The following OBP2B variants were observed in gnomAD, a reference collection of about 807,000 sequenced individuals.
OBP2B encodes odorant binding protein 2B.
In OBP2B, 10 loss-of-function variants were observed where a neutral mutation model predicts 21.7. That is an observed-to-expected ratio of 0.46 (90% CI 0.28 to 0.78). The LOEUF (loss-of-function observed/expected upper bound fraction) is 0.78. Ranked by LOEUF, OBP2B falls within the 30% of genes least tolerant of loss-of-function variation. The pLI is 0.11. For synonymous variants in OBP2B, 73 were observed against 91.5 expected, an observed-to-expected ratio of 0.80 and a Z score of 1.16; for missense variants, 153 against 217.7, an observed-to-expected ratio of 0.70 and a Z score of 1.87.
At chr9:133,217,235 G>A in the OBP2B span, among the ~76,000 whole-genome samples, 5 of 152,152 alleles carry the variant, frequency 3.3e-5, no homozygotes, top group South Asian at 2.1e-4. Flanking sequence ...TCCTGTGCTC[G>A]GGGGGCTTAT....
At chr9:133,207,942 A>C (rs1833792661) in intron 3 of OBP2B, 191 bp downstream of exon 3, 25 of 1,534,470 alleles carry the variant, frequency 1.6e-5, no homozygotes, top group East Asian at 2.4e-5. Flanking sequence ...GACTGCGGAC[A>C]AGCCTGTCAC....
chr9:133,209,711 C>T (rs1245702704), upstream of OBP2B, among the ~76,000 whole-genome samples: 1 of 152,146 alleles, frequency 6.6e-6, no homozygotes, highest in Non-Finnish European at 1.5e-5. This position sits in a 1 kb window ranked among gnomAD's most constrained non-coding sequence, Gnocchi z 6.0. Context: ...TCCCGCACGC[C>T]CTAGAGCCCA....
chr9:133,206,881 C>T (rs1234124770), intron 4 of OBP2B, among the ~76,000 whole-genome samples: 1 of 151,948 alleles, frequency 6.6e-6, no homozygotes, highest in Non-Finnish European at 1.5e-5. Flanking sequence ...ACCTTGTCTC[C>T]CAGAGGCACC....
At chr9:133,205,473 G>T in intron 6 of OBP2B, 62 bp from the exon 7 acceptor site, 1 of 1,022,062 alleles carries the variant, frequency 9.8e-7, no homozygotes, top group Non-Finnish European at 1.4e-6. Flanking sequence ...GCCAGGGCCA[G>T]AGCTCCCTCC....
chr9:133,212,432 A>G (rs2119409415), upstream of OBP2B, among the ~76,000 whole-genome samples: 1 of 152,338 alleles, frequency 6.6e-6, no homozygotes, highest in African/African-American at 2.4e-5. Flanking sequence ...GGATGAGAAA[A>G]TGAGCCTCAA....
At chr9:133,214,578 T>C in the OBP2B span, among the ~76,000 whole-genome samples, 1 of 152,210 alleles carries the variant, frequency 6.6e-6, no homozygotes, top group East Asian at 1.9e-4. Context: ...AGCCGGGAAG[T>C]GGTAGGCTAC....
At chr9:133,219,526 T>G in the OBP2B span, among the ~76,000 whole-genome samples, 1 of 152,328 alleles carries the variant, frequency 6.6e-6, no homozygotes, top group East Asian at 1.9e-4. Context: ...CTCAATGTCA[T>G]TAGTCATTAG....
chr9:133,205,994 A>G, intron 5 of OBP2B, 54 bp from the exon 6 acceptor site: 1 of 1,612,974 alleles, frequency 6.2e-7, no homozygotes. Context: ...ACCAGGGCCC[A>G]GACCCCATCG....
the OBP2B span, among the ~76,000 whole-genome samples, chr9:133,220,867 GGA>G: frequency 1.3e-5 from 2 of 152,218 alleles, no homozygotes; most frequent in Admixed American, 6.5e-5. Context: ...AGGAGGGTGA[GGA>G]GAGAGAATAT....
chr9:133,217,886 C>T, the OBP2B span, among the ~76,000 whole-genome samples: 1 of 152,240 alleles, frequency 6.6e-6, no homozygotes, highest in Non-Finnish European at 1.5e-5. Flanking sequence ...CTCGTGCAAT[C>T]CTGAGCCATT....
upstream of OBP2B, among the ~76,000 whole-genome samples, chr9:133,211,636 G>T (rs1479705928): frequency 1.3e-5 from 2 of 152,182 alleles, no homozygotes; most frequent in African/African-American, 4.8e-5. Context: ...AATCAAATAT[G>T]GTTCCACCCT....
upstream of OBP2B, among the ~76,000 whole-genome samples, chr9:133,209,748 C>T (rs1228566218): frequency 1.3e-5 from 2 of 152,182 alleles, no homozygotes; most frequent in African/African-American, 4.8e-5. This position sits in a 1 kb window ranked among gnomAD's most constrained non-coding sequence, Gnocchi z 6.0. Flanking sequence ...GGGACCCACT[C>T]TGCATTGATT....
intron 6 of OBP2B, 84 bp downstream of exon 6, chr9:133,205,833 G>T: frequency 6.2e-7 from 1 of 1,601,360 alleles, no homozygotes; most frequent in Non-Finnish European, 8.6e-7. Flanking sequence ...GTGTGGGATG[G>T]GAGGGGCCAG....
At chr9:133,209,554 C>T (rs4489379), upstream of OBP2B, among the ~76,000 whole-genome samples, 71,934 of 152,064 alleles carry the variant, frequency 0.47, 18,598 homozygotes, top group Non-Finnish European at 0.6. This position sits in a 1 kb window ranked among gnomAD's most constrained non-coding sequence, Gnocchi z 6.0. Flanking sequence ...CCCACAGCCT[C>T]GGGATACTCC....
the OBP2B span, among the ~76,000 whole-genome samples, chr9:133,217,262 A>T: frequency 1.3e-5 from 2 of 152,284 alleles, no homozygotes; most frequent in East Asian, 3.9e-4. Context: ...GGTGCAGGGG[A>T]CTTAAAATGA....
chr9:133,215,793 TTA>T, the OBP2B span, among the ~76,000 whole-genome samples: 18 of 152,198 alleles, frequency 1.2e-4, no homozygotes, highest in Non-Finnish European at 1.8e-4. Flanking sequence ...ATATACCCAG[TTA>T]AGTTTTTACA....
At chr9:133,222,904 C>T in the OBP2B span, among the ~76,000 whole-genome samples, 118,837 of 150,996 alleles carry the variant, frequency 0.79, 47,298 homozygotes, top group Middle Eastern at 0.86. Context: ...AACTCTTCAC[C>T]GGAGCCCCCA....
chr9:133,205,724 A>T, intron 6 of OBP2B, 193 bp downstream of exon 6: 1 of 591,844 alleles, frequency 1.7e-6, no homozygotes. Context: ...AGGTGCAGGA[A>T]TGATAAAACA....
chr9:133,207,908 G>C (rs532353555), intron 3 of OBP2B: 312 of 1,532,744 alleles, frequency 2.0e-4, no homozygotes, highest in Admixed American at 9.6e-4. Context: ...CCTCCCAGAG[G>C]GCAGGCGTGA....
Sources: allele counts gnomAD v4.1 joint callset (sites outside exome capture counted in the v4.1 genomes callset), GRCh38; gene constraint gnomAD v4.1.1; non-coding constraint Gnocchi (gnomAD v3.1); transcripts MANE v1.5; gene names NCBI Gene and HGNC (gene_info 2026-07-23, HGNC 2026-07-21).